RBFOX3: variants seen among roughly 807,000 people sequenced by gnomAD.
RBFOX3 encodes the protein RNA binding protein fox-1 homolog 3.
A neutral mutation model predicts 48.7 loss-of-function variants in RBFOX3; 17 were observed. That is an observed-to-expected ratio of 0.35 (90% confidence interval 0.24 to 0.52). RBFOX3 has a LOEUF of 0.52. Among genes scored for constraint, RBFOX3 ranks in the 20% least tolerant of loss-of-function variants. The pLI, the probability that RBFOX3 is intolerant of heterozygous loss-of-function variation, is 0.94. For synonymous variants in RBFOX3, 212 were observed against 209.5 expected (o/e 1.01, Z -0.10); for missense variants, 382 against 497.5 (o/e 0.77, Z 2.21).
At chr17:79,387,724 G>A (rs1318110385) in intron 2 of RBFOX3, among the ~76,000 whole-genome samples, 1 of 152,226 alleles carries the variant, frequency 6.6e-6, no homozygotes, top group African/African-American at 2.4e-5. Flanking sequence ...GGAGCAGGAG[G>A]AAGATTCTTC....
chr17:79,510,698 C>G (rs2084012548), intron 1 of RBFOX3, among the ~76,000 whole-genome samples: 1 of 152,210 alleles, frequency 6.6e-6, no homozygotes, highest in South Asian at 2.1e-4. Flanking sequence ...GCCCAGCGCC[C>G]CTACGAGCGG....
intron 2 of RBFOX3, among the ~76,000 whole-genome samples, chr17:79,470,622 G>A (rs1381432532): frequency 2.6e-5 from 4 of 152,310 alleles, no homozygotes; most frequent in South Asian, 2.1e-4. Context: ...GTGTGCAGAG[G>A]TGAGATGAGG....
intron 2 of RBFOX3, among the ~76,000 whole-genome samples, chr17:79,380,967 G>A (rs9302895): frequency 0.18 from 27,969 of 152,168 alleles, 2,589 homozygotes; most frequent in East Asian, 0.23. Flanking sequence ...GTCACATTAA[G>A]AAGGTAAAAA....
chr17:79,350,487 C>A (rs941519478), intron 2 of RBFOX3, among the ~76,000 whole-genome samples: 1 of 152,164 alleles, frequency 6.6e-6, no homozygotes, highest in Non-Finnish European at 1.5e-5. Flanking sequence ...GATAGGGTGA[C>A]CAATGAATCC....
chr17:79,619,709 G>A, the RBFOX3 span, among the ~76,000 whole-genome samples: 1 of 152,078 alleles, frequency 6.6e-6, no homozygotes, highest in Non-Finnish European at 1.5e-5. Context: ...TCCGGGGCAG[G>A]TGGACTCCAG....
At chr17:79,334,283 G>A (rs192595790) in intron 2 of RBFOX3, among the ~76,000 whole-genome samples, 7 of 152,258 alleles carry the variant, frequency 4.6e-5, no homozygotes, top group East Asian at 1.9e-4. Flanking sequence ...GGCACCCAAT[G>A]CTTCTCCTGC....
At chr17:79,538,760 C>T (rs147477022) in intron 1 of RBFOX3, among the ~76,000 whole-genome samples, 49 of 152,220 alleles carry the variant, frequency 3.2e-4, no homozygotes, top group Non-Finnish European at 5.9e-4. Context: ...AGGAGGCCAC[C>T]ATTGTGAGCT....
In RBFOX3 at chr17:79,391,084, C is replaced by T. The variant is rs1005646919; in HGVS notation, c.-174-83260G>A. 6.6e-6 allele frequency among the ~76,000 whole-genome samples: 1 copy of T among 152,218 alleles called. No homozygotes were observed. Among genetic ancestry groups the T allele is most frequent in the Non-Finnish European group, 1.5e-5 (1 of 68,050 alleles). ...CCATGGGAGCCTTCGCACCTCGGGTCTGGTGGCCTGTAACCCCTGCCAGCC... is the reference window on the plus strand; with the variant it reads ...CCATGGGAGCCTTCGCACCTCGGGTTTGGTGGCCTGTAACCCCTGCCAGCC... On this transcript the variant is annotated intron_variant, in intron 2 of 14. Coordinates refer to ENST00000693108, the MANE Select transcript of RBFOX3 (RefSeq NM_001350451.2). This position sits in a 1 kb window ranked among gnomAD's most constrained non-coding sequence, Gnocchi z 5.0.
intron 1 of RBFOX3, among the ~76,000 whole-genome samples, chr17:79,529,899 G>C (rs929110260): frequency 2.6e-5 from 4 of 152,218 alleles, no homozygotes; most frequent in Admixed American, 6.5e-5. Flanking sequence ...GACCCAGCAC[G>C]CTCCTTCACG....
intron 2 of RBFOX3, among the ~76,000 whole-genome samples, chr17:79,456,413 G>A (rs2074499585): frequency 6.6e-6 from 1 of 151,742 alleles, no homozygotes; most frequent in South Asian, 2.1e-4. Flanking sequence ...CCACCCACTG[G>A]ATGCCAGGGG....
intron 1 of RBFOX3, among the ~76,000 whole-genome samples, chr17:79,511,092 C>T (rs1340600086): frequency 2.6e-5 from 4 of 152,186 alleles, no homozygotes; most frequent in Admixed American, 1.3e-4. Flanking sequence ...GGACTGTCCT[C>T]ATCCACGCAG....
At chr17:79,570,264 G>A (rs2092625631) in intron 1 of RBFOX3, among the ~76,000 whole-genome samples, 1 of 152,020 alleles carries the variant, frequency 6.6e-6, no homozygotes, top group African/African-American at 2.4e-5. Flanking sequence ...ATTACGGACA[G>A]ATGGTGAATG....
intron 3 of RBFOX3, among the ~76,000 whole-genome samples, chr17:79,306,719 C>T (rs1358240359): frequency 1.3e-5 from 2 of 152,188 alleles, no homozygotes; most frequent in African/African-American, 4.8e-5. Flanking sequence ...CCTCTCTTGG[C>T]TGCCCAGATA....
At chr17:79,106,182 A>G (rs1318870478) in intron 6 of RBFOX3, among the ~76,000 whole-genome samples, 1 of 151,942 alleles carries the variant, frequency 6.6e-6, no homozygotes, top group Non-Finnish European at 1.5e-5. Context: ...CCCCGGGCAC[A>G]CAAGAGAGGC....
intron 2 of RBFOX3, among the ~76,000 whole-genome samples, chr17:79,388,444 A>G (rs2148114383): frequency 6.6e-6 from 1 of 152,246 alleles, no homozygotes; most frequent in Admixed American, 6.5e-5. Context: ...TTCTTCCAAC[A>G]CACATGGAAT....
chr17:79,322,300 C>T (rs1469918591), intron 2 of RBFOX3, among the ~76,000 whole-genome samples: 1 of 152,032 alleles, frequency 6.6e-6, no homozygotes, highest in Non-Finnish European at 1.5e-5. Context: ...TGTGGAGCAA[C>T]CTGGTGTTCA....
intron 3 of RBFOX3, among the ~76,000 whole-genome samples, chr17:79,237,607 G>A (rs1385061804): frequency 6.6e-6 from 1 of 152,236 alleles, no homozygotes; most frequent in East Asian, 1.9e-4. Context: ...TTCCCTGCTG[G>A]AGTTTGTGCA....
intron 2 of RBFOX3, among the ~76,000 whole-genome samples, chr17:79,354,244 G>C (rs925263163): frequency 5.9e-5 from 9 of 152,208 alleles, no homozygotes; most frequent in Middle Eastern, 3.2e-3. Context: ...AATGTGTAAA[G>C]ACGCAGGCCC....
chr17:79,537,321 C>A (rs782234512), intron 1 of RBFOX3, among the ~76,000 whole-genome samples: 4 of 152,192 alleles, frequency 2.6e-5, no homozygotes, highest in African/African-American at 7.2e-5. Context: ...CATCATGTGG[C>A]CCTCTCCCTG....
Sources: gnomAD v4.1 joint callset for allele counts (sites outside exome capture counted in the v4.1 genomes callset) on GRCh38, gnomAD v4.1.1 for gene constraint, Gnocchi (gnomAD v3.1) non-coding constraint, MANE v1.5 for transcripts, NCBI Gene and HGNC (gene_info 2026-07-23, HGNC 2026-07-21) for gene names.